KIF15: variants seen among roughly 807,000 people sequenced by gnomAD.
KIF15 encodes the protein kinesin-like protein KIF15.
Under a neutral mutation model 190.6 loss-of-function variants are expected in KIF15, and 140 were observed. The observed-to-expected ratio is 0.73, with a 90% CI of 0.64 to 0.84. KIF15 has a LOEUF of 0.84. Among genes scored for constraint, KIF15 ranks in the 40% least tolerant of loss-of-function variants. KIF15 has a pLI of 0.00. For synonymous variants in KIF15, 528 were observed against 551.3 expected, an observed-to-expected ratio of 0.96 and a Z score of 0.59; for missense variants, 1,372 against 1,584.4, an observed-to-expected ratio of 0.87 and a Z score of 2.28.
At position 44,810,829 on chromosome 3, in the gene KIF15, A is replaced by G; in HGVS notation, c.1972-17A>G. 1 of 1,587,004 alleles carries G rather than the reference A, an allele frequency of 6.3e-7. No homozygotes were observed. ...TAAATATGTGCTAATGTTTTCCATAATCATTTTTTGCTGCAGATTATAACT... is the reference window on the plus strand; with the variant it reads ...TAAATATGTGCTAATGTTTTCCATAGTCATTTTTTGCTGCAGATTATAACT... On this transcript the variant is annotated splice_polypyrimidine_tract_variant and intron_variant, in intron 16 of 34. Coordinates refer to ENST00000326047, the MANE Select transcript of KIF15 (RefSeq NM_020242.3).
chr3:44,863,540 C>G (rs1699287069), intron 6 of KIF15: 1 of 152,268 alleles, frequency 6.6e-6, no homozygotes, highest in Non-Finnish European at 1.5e-5. Flanking sequence ...CATGGAGGTA[C>G]ACTGCCTGCT....
In KIF15 at chr3:44,853,065, A is replaced by T. The variant is rs1366717213; in HGVS notation, c.*330A>T. The T allele has an allele frequency of 5.8e-6, 1 of 173,604 alleles. No individual in the cohort carries two copies. Among genetic ancestry groups the T allele is most frequent in the Non-Finnish European group, 1.2e-5 (1 of 82,730 alleles). The allele number at this position is 173,604 out of a possible 1,614,324, so 10.8% of individuals were successfully genotyped here. The stretch of plus-strand genomic sequence containing the variant: ...TCATTTTCTTCTTAGATTATGCCAT[A>T]ATCTCCTTTGATTCTTATGGAAGTT... On this transcript the variant is annotated 3_prime_UTR_variant, in exon 35 of 35. Transcript: ENST00000326047.
chr3:44,766,722 T>C (rs1217131365), intron 1 of KIF15, among the ~76,000 whole-genome samples: 1 of 152,182 alleles, frequency 6.6e-6, no homozygotes, highest in Non-Finnish European at 1.5e-5. Flanking sequence ...TTTTCATGAA[T>C]GTTCTTGAAC....
chr3:44,803,087 C>G (rs775511850), intron 14 of KIF15, 96 bp downstream of exon 14: 26 of 1,029,354 alleles, frequency 2.5e-5, no homozygotes, highest in Non-Finnish European at 3.3e-5. Context: ...ATTTTAGCCT[C>G]CAGGCCTGCT....
intron 24 of KIF15, among the ~76,000 whole-genome samples, chr3:44,828,762 G>A (rs1480852399): frequency 6.6e-6 from 1 of 152,220 alleles, no homozygotes; most frequent in Non-Finnish European, 1.5e-5. Context: ...TATAGACTGG[G>A]CACAGTGGCT....
intron 6 of KIF15, among the ~76,000 whole-genome samples, chr3:44,785,290 A>T (rs1706353048): frequency 1.3e-5 from 2 of 152,246 alleles, no homozygotes; most frequent in South Asian, 4.1e-4. Context: ...TTAATACACT[A>T]AGCCTAATCA....
chr3:44,829,580 GTATATATTATATATTA>G (rs1286394626), intron 24 of KIF15, among the ~76,000 whole-genome samples: 7 of 109,540 alleles, frequency 6.4e-5, no homozygotes, highest in Non-Finnish European at 9.8e-5. Context: ...TATTATATAT[GTATATATTATATATTA>G]TATATGCATA....
At chr3:44,821,304 G>T (rs1173231375) in intron 20 of KIF15, among the ~76,000 whole-genome samples, 1 of 149,894 alleles carries the variant, frequency 6.7e-6, no homozygotes, top group Non-Finnish European at 1.5e-5. Context: ...CTGGCGGTGG[G>T]TGACCCCCAC....
In KIF15 at chr3:44,864,273, G is replaced by A. The variant is rs781527144; in HGVS notation, c.*60-9056G>A. 1.1e-4 allele frequency: 181 copies of A among 1,614,012 alleles called. 1 individual carries two copies. In the East Asian group the frequency reaches 2.4e-3, roughly 22 times the overall value. On this transcript the variant is annotated intron_variant and NMD_transcript_variant, in intron 6 of 6. Transcript: ENST00000422209. ...TCTCTGATGTGGACCTTCTTTAGCC[G>A]GGGCCTCAGTTTCTCCATGTCTTCA... is the stretch of plus-strand genomic sequence containing the variant.
chr3:44,817,419 A>C (rs1272752265), intron 20 of KIF15, among the ~76,000 whole-genome samples: 1 of 152,170 alleles, frequency 6.6e-6, no homozygotes, highest in Non-Finnish European at 1.5e-5. Context: ...ATTTTTGTAT[A>C]AAGTGTAAGG....
intron 4 of KIF15, among the ~76,000 whole-genome samples, chr3:44,780,554 A>C (rs369214172): frequency 6.6e-6 from 1 of 152,324 alleles, no homozygotes; most frequent in African/African-American, 2.4e-5. Flanking sequence ...TTGCTGACCT[A>C]GGAAGATATC....
intron 6 of KIF15, chr3:44,863,068 A>C (rs138276128): frequency 6.0e-4 from 91 of 152,208 alleles, no homozygotes; most frequent in Middle Eastern, 3.4e-3. Flanking sequence ...GCAAATTTGC[A>C]AATTTAAAAC....
At position 44,800,416 on chromosome 3, in the gene KIF15, C is replaced by A; in HGVS notation, c.1201C>A (p.Pro401Thr). ...GGAGCTTGCTTCAGGACAGACACCA[C>A]CAGAAAGCTTCCTGACCAGAGGTAG... ...LAELASGQTP[P>T]ESFLTRDKKK... Residue 401 changes from proline to threonine, a missense_variant, in exon 11 of 35, where the codon CCA (proline) becomes ACA (threonine). Transcript: ENST00000326047. The A allele has an allele frequency of 6.2e-7, 1 of 1,614,058 alleles. No individual in the cohort carries two copies. The highest frequency in any genetic ancestry group is 8.5e-7 in the Non-Finnish European group (1 of 1,179,964).
intron 6 of KIF15, chr3:44,864,942 T>A: frequency 6.6e-7 from 1 of 1,521,436 alleles, no homozygotes; most frequent in Non-Finnish European, 9.0e-7. Context: ...GCTCCAGACC[T>A]TTCCTCCTGG....
chr3:44,867,172 C>T (rs568854068), intron 6 of KIF15, among the ~76,000 whole-genome samples: 9 of 152,300 alleles, frequency 5.9e-5, no homozygotes, highest in Admixed American at 1.3e-4. Context: ...AATGTCAGCC[C>T]GATCTGACTG....
intron 14 of KIF15, among the ~76,000 whole-genome samples, chr3:44,804,157 T>C (rs74341405): frequency 0.038 from 5,749 of 152,316 alleles, 139 homozygotes; most frequent in Middle Eastern, 0.068. Flanking sequence ...TTAGGTTTTC[T>C]GTTTTATTTA....
At chr3:44,829,361 A>T (rs201785125) in intron 24 of KIF15, among the ~76,000 whole-genome samples, 3 of 133,570 alleles carry the variant, frequency 2.2e-5, no homozygotes, top group African/African-American at 5.6e-5. Context: ...CATCTCAAAA[A>T]ATATATATAT....
chr3:44,821,452 C>T lies in KIF15; in HGVS notation c.2550-4587C>T, dbSNP rs558464827. ...GCTCCTCTCCTCCCAGACGGGGTTGCGGCCGGGTAGAGGCACTCCTCACAT... is the reference window on the plus strand; with the variant it reads ...GCTCCTCTCCTCCCAGACGGGGTTGTGGCCGGGTAGAGGCACTCCTCACAT... On this transcript the variant is annotated intron_variant, in intron 20 of 34. Transcript: ENST00000326047. 2.5e-3 allele frequency among the ~76,000 whole-genome samples: 371 copies of T among 148,090 alleles called. 1 individual carries two copies. The highest frequency in any genetic ancestry group is 3.9e-3 in the Non-Finnish European group (262 of 66,764).
chr3:44,798,341 TTTTAATTTTTATTTTA>T (rs1018717681), intron 10 of KIF15, among the ~76,000 whole-genome samples: 1 of 151,242 alleles, frequency 6.6e-6, no homozygotes, highest in Admixed American at 6.6e-5. Context: ...TTTTTTATTT[TTTTAATTTTTATTTTA>T]TTTATTTTTT....
Sources: allele counts gnomAD v4.1 joint callset (sites outside exome capture counted in the v4.1 genomes callset), GRCh38; gene constraint gnomAD v4.1.1; transcripts MANE v1.5; gene names NCBI Gene and HGNC (gene_info 2026-07-23, HGNC 2026-07-21).